Variants in CAMK1D observed in about 807,000 individuals in gnomAD.
CAMK1D encodes the protein calcium/calmodulin dependent protein kinase ID, also known as calcium/calmodulin-dependent protein kinase type 1D.
In CAMK1D, 9 loss-of-function variants were observed where a neutral mutation model predicts 47.7. That is an observed-to-expected ratio of 0.19 (90% CI 0.11 to 0.33). CAMK1D has a LOEUF of 0.33. CAMK1D is among the 10% of genes least tolerant of loss of function. The probability of loss-of-function intolerance (pLI) is 1.00; values close to 1 mark genes in which losing one functional copy is unlikely to be tolerated. For missense variants in CAMK1D, 291 were observed against 488.7 expected, an observed-to-expected ratio of 0.60 and a Z score of 3.81; for synonymous variants, 184 against 184.9, an observed-to-expected ratio of 0.99 and a Z score of 0.04.
intron 3 of CAMK1D, among the ~76,000 whole-genome samples, chr10:12,752,749 A>T (rs961128539): frequency 3.3e-5 from 5 of 152,232 alleles, no homozygotes; most frequent in Admixed American, 6.5e-5. Context: ...GTTCTCCGTA[A>T]GTTTTTAGTA....
intron 1 of CAMK1D, among the ~76,000 whole-genome samples, chr10:12,499,410 C>G (rs1454828927): frequency 6.6e-6 from 1 of 152,040 alleles, no homozygotes; most frequent in Non-Finnish European, 1.5e-5. Context: ...GATTTTCTTA[C>G]CTTCCAGTTC....
At chr10:12,735,290 T>A (rs947008784) in intron 3 of CAMK1D, among the ~76,000 whole-genome samples, 3 of 152,086 alleles carry the variant, frequency 2.0e-5, no homozygotes, top group Admixed American at 6.5e-5. Flanking sequence ...TCCTGGGCTA[T>A]CACGGTGAAA....
intron 1 of CAMK1D, among the ~76,000 whole-genome samples, chr10:12,440,596 G>A (rs2768361): frequency 0.89 from 135,466 of 152,252 alleles, 60,707 homozygotes; most frequent in Middle Eastern, 0.97. Flanking sequence ...CCAGATACCT[G>A]TTTTTTTGTT....
chr10:12,618,446 C>T (rs1838890526), intron 2 of CAMK1D, among the ~76,000 whole-genome samples: 1 of 152,172 alleles, frequency 6.6e-6, no homozygotes, highest in Non-Finnish European at 1.5e-5. Context: ...ATCTTCATCT[C>T]CCTGGTGATG....
chr10:12,406,145 G>C (rs1177983504), intron 1 of CAMK1D, among the ~76,000 whole-genome samples: 2 of 152,136 alleles, frequency 1.3e-5, no homozygotes, highest in Non-Finnish European at 2.9e-5. Flanking sequence ...AGTTCCATTG[G>C]CACCACAGCC....
chr10:12,764,162 C>T (rs1164551106), intron 4 of CAMK1D, among the ~76,000 whole-genome samples: 3 of 152,190 alleles, frequency 2.0e-5, no homozygotes, highest in Non-Finnish European at 4.4e-5. Flanking sequence ...GGGTGGATTG[C>T]GTGAGGTCAG....
intron 1 of CAMK1D, among the ~76,000 whole-genome samples, chr10:12,378,076 C>T (rs78515218): frequency 0.067 from 10,176 of 152,270 alleles, 447 homozygotes; most frequent in Non-Finnish European, 0.087. Context: ...TGTGAGGCCT[C>T]GTTCCTCTGG....
intron 3 of CAMK1D, among the ~76,000 whole-genome samples, chr10:12,686,212 T>G (rs1022747953): frequency 1.3e-5 from 2 of 152,254 alleles, no homozygotes; most frequent in African/African-American, 4.8e-5. Context: ...TTTAGGAATA[T>G]GCCCTGGATG....
In CAMK1D at chr10:12,829,688, G is replaced by A. The variant is rs1218686818; in HGVS notation, c.*801G>A. ...ACGGAGGTTGCAGTGAGCTGAGATC[G>A]TGCCACTGCACTCCAGCCTGGGTGA... On this transcript the variant is annotated 3_prime_UTR_variant, in exon 11 of 11. Transcript: ENST00000619168. 2.0e-5 allele frequency: 3 copies of A among 150,706 alleles called. No homozygotes were observed. The highest frequency in any genetic ancestry group is 4.4e-5 in the Non-Finnish European group (3 of 67,994). 9.3% of individuals were successfully genotyped at this position (150,706 alleles called of 1,614,324 possible).
At chr10:12,784,998 T>C (rs910340250) in intron 5 of CAMK1D, among the ~76,000 whole-genome samples, 4 of 152,178 alleles carry the variant, frequency 2.6e-5, no homozygotes, top group African/African-American at 7.2e-5. Flanking sequence ...GAGGAGGCCA[T>C]TGTGTTACAG....
intron 3 of CAMK1D, among the ~76,000 whole-genome samples, chr10:12,738,337 A>C (rs949381630): frequency 6.6e-6 from 1 of 152,208 alleles, no homozygotes; most frequent in African/African-American, 2.4e-5. Context: ...GAAGACTAAA[A>C]TAAAGCGAAT....
intron 1 of CAMK1D, among the ~76,000 whole-genome samples, chr10:12,545,447 T>C (rs2492956): frequency 0.8 from 97,308 of 121,672 alleles, 38,591 homozygotes; most frequent in Admixed American, 0.83. Flanking sequence ...AGACTCCATC[T>C]CACAGTAAAA....
rs548699117 is a variant in CAMK1D at position 12,430,250 on chromosome 10, C to T, written c.92+80340C>T. Among the ~76,000 whole-genome samples the T allele has an allele frequency of 3.0e-4, 46 of 152,212 alleles. No individual in the cohort carries two copies. In the Middle Eastern group the frequency reaches 0.014, roughly 45 times the overall value. ...GACCTTTGCATGCTCCGTGAAAAGA[C>T]GGATTGCTCAGCAAAGCGCTGTGGT... is the stretch of plus-strand genomic sequence containing the variant. On this transcript the variant is annotated intron_variant, in intron 1 of 10. Transcript: ENST00000619168.
At chr10:12,706,322 G>A (rs567784403) in intron 3 of CAMK1D, among the ~76,000 whole-genome samples, 5 of 152,290 alleles carry the variant, frequency 3.3e-5, no homozygotes, top group Admixed American at 6.5e-5. Flanking sequence ...TTTTCAGACC[G>A]CAGTTGACGG....
At chr10:12,699,903 G>C (rs1324259712) in intron 3 of CAMK1D, among the ~76,000 whole-genome samples, 2 of 151,866 alleles carry the variant, frequency 1.3e-5, no homozygotes, top group East Asian at 3.9e-4. Flanking sequence ...CTCTGATAGG[G>C]GCTCTTTTCA....
chr10:12,715,760 G>A (rs1427107031), intron 3 of CAMK1D, among the ~76,000 whole-genome samples: 4 of 138,660 alleles, frequency 2.9e-5, no homozygotes, highest in Admixed American at 7.8e-5. Flanking sequence ...TCTCTCTCTC[G>A]CCCAGGCTGG....
chr10:12,413,574 G>GAT (rs1554767046), intron 1 of CAMK1D, among the ~76,000 whole-genome samples: 79 of 1,020 alleles, frequency 0.077, 12 homozygotes, highest in Middle Eastern at 0.25. Flanking sequence ...ATGACATTGG[G>GAT]GATGATGATA....
chr10:12,694,710 C>T (rs1035484981), intron 3 of CAMK1D, among the ~76,000 whole-genome samples: 8 of 150,126 alleles, frequency 5.3e-5, no homozygotes, highest in Non-Finnish European at 8.9e-5. Context: ...GAGGATGACA[C>T]GTTTATTTTA....
chr10:12,361,698 G>T (rs1837670037), intron 1 of CAMK1D, among the ~76,000 whole-genome samples: 1 of 151,364 alleles, frequency 6.6e-6, no homozygotes, highest in Non-Finnish European at 1.5e-5. Context: ...TGGGATTACA[G>T]GCGCCCACCA....
Sources: gnomAD v4.1 joint callset for allele counts (sites outside exome capture counted in the v4.1 genomes callset) on GRCh38, gnomAD v4.1.1 for gene constraint, MANE v1.5 for transcripts, NCBI Gene and HGNC (gene_info 2026-07-23, HGNC 2026-07-21) for gene names.